The following ULBP1 variants were observed in gnomAD, a reference collection of about 807,000 sequenced individuals.
ULBP1 encodes the protein UL16 binding protein 1.
ULBP1 carries 28 observed loss-of-function variants against 25.3 expected under a neutral mutation model. That is an observed-to-expected ratio of 1.10 (90% CI 0.82 to 1.51). The LOEUF (loss-of-function observed/expected upper bound fraction) is 1.51, where lower values mean the gene tolerates loss of function less well. Ranked by LOEUF, ULBP1 falls within the 40% of genes most tolerant of loss-of-function variation. ULBP1 has a pLI of 0.00. For missense variants in ULBP1, 348 were observed against 290.9 expected (o/e 1.20, Z -1.43); for synonymous variants, 129 against 103.0 (o/e 1.25, Z -1.53).
At chr6:149,971,311 G>C in intron 4 of ULBP1, 58 bp from the exon 5 acceptor site, 1 of 984,108 alleles carries the variant, frequency 1.0e-6, no homozygotes, top group Non-Finnish European at 1.2e-6. Flanking sequence ...GGATCACCCA[G>C]GAGAACAGAC....
At chr6:149,965,102 ACCCGAACATCGCGGCCTC>A (rs1442752069) in intron 1 of ULBP1, among the ~76,000 whole-genome samples, 3 of 115,856 alleles carry the variant, frequency 2.6e-5, no homozygotes, top group East Asian at 5.1e-4. Context: ...ATCGCGGTCT[ACCCGAACATCGCGGCCTC>A]CCCGAACATC....
At chr6:149,969,754 G>A (rs1161259862) in intron 3 of ULBP1, among the ~76,000 whole-genome samples, 1 of 152,124 alleles carries the variant, frequency 6.6e-6, no homozygotes, top group Non-Finnish European at 1.5e-5. Context: ...CCCTGGCCCT[G>A]GGACATCACC....
chr6:149,969,260 C>A lies in ULBP1; in HGVS notation c.525C>A (p.Asn175Lys), dbSNP rs146669506. The A allele has an allele frequency of 1.9e-6, 3 of 1,614,092 alleles. No individual in the cohort carries two copies. The highest frequency in any genetic ancestry group is 2.7e-5 in the African/African-American group (2 of 74,930). Residue 175 changes from asparagine to lysine, a missense_variant, in exon 3 of 5, where the codon AAC becomes AAA. Coordinates refer to ENST00000229708, the MANE Select transcript of ULBP1 (RefSeq NM_025218.4). The stretch of plus-strand genomic sequence containing the variant: ...AGATGACAGAGAAGTGGGAGAAGAA[C>A]AGGGATGTGACCATGTTCTTCCAGA... Reference protein sequence around the residue: ...AKKMTEKWEKNRDVTMFFQKI... With the variant: ...AKKMTEKWEKKRDVTMFFQKI...
chr6:149,970,138 A>C lies in ULBP1; in HGVS notation c.*13A>C, dbSNP rs751764596. 1.0e-4 allele frequency: 165 copies of C among 1,593,456 alleles called. 2 individuals carry two copies. The South Asian group carries it at 1.3e-3, about 13-fold the overall frequency. On this transcript the variant is annotated 3_prime_UTR_variant, in exon 4 of 5. Coordinates refer to ENST00000229708, the MANE Select transcript of ULBP1 (RefSeq NM_025218.4). ...AGCTGGCAGATGAGGAGAGTTGTTTAGAGTGACAGGTACTGTGGGCAATAT... is the reference window on the plus strand; with the variant it reads ...AGCTGGCAGATGAGGAGAGTTGTTTCGAGTGACAGGTACTGTGGGCAATAT...
Position 149,969,294 on chromosome 6 carries a change from C to A in ULBP1, c.559C>A (p.Leu187Met), listed in dbSNP as rs1362491421. 1.9e-6 allele frequency: 3 copies of A among 1,614,222 alleles called. No homozygotes were observed. The highest frequency in any genetic ancestry group is 4.5e-5 in the East Asian group (2 of 44,890). Residue 187 changes from leucine (L) to methionine (M), a missense_variant, in exon 3 of 5, where the codon CTG (leucine) becomes ATG (methionine). Physicochemically the swap from Leu to Met is conservative, Grantham distance 15. Coordinates refer to ENST00000229708, the MANE Select transcript of ULBP1 (RefSeq NM_025218.4). Reference protein sequence around the residue: ...DVTMFFQKISLGDCKMWLEEF... With the variant: ...DVTMFFQKISMGDCKMWLEEF... ...GACCATGTTCTTCCAGAAGATTTCA[C>A]TGGGGGATTGTAAGATGTGGCTTGA... is the stretch of plus-strand genomic sequence containing the variant.
chr6:149,966,588 T>C (rs56068098), intron 1 of ULBP1, among the ~76,000 whole-genome samples: 20 of 151,336 alleles, frequency 1.3e-4, no homozygotes, highest in African/African-American at 3.9e-4. Flanking sequence ...GGCCAACTGC[T>C]TGTGCAGCTT....
chr6:149,968,930 T>A, intron 2 of ULBP1, 60 bp downstream of exon 2: 1 of 1,565,828 alleles, frequency 6.4e-7, no homozygotes, highest in Non-Finnish European at 8.6e-7. Flanking sequence ...TTTATTGATT[T>A]CATATGAAAA....
rs1779315742 is a variant in ULBP1 at position 149,971,418 on chromosome 6, C to G, written c.*72C>G. The stretch of plus-strand genomic sequence containing the variant: ...CTGTTAGCCTGGTCTGGGTCCTGCT[C>G]TCCCTTCAGGGAGGCCGCCTGTCTA... On this transcript the variant is annotated 3_prime_UTR_variant, in exon 5 of 5. Coordinates refer to ENST00000229708, the MANE Select transcript of ULBP1 (RefSeq NM_025218.4). The G allele has an allele frequency of 6.1e-6, 6 of 985,190 alleles. No homozygotes were observed. The highest frequency in any genetic ancestry group is 7.2e-6 in the Non-Finnish European group (6 of 829,806). 61.0% of individuals were successfully genotyped at this position (985,190 alleles called of 1,614,324 possible). A position where few individuals can be genotyped will look rare whatever the true frequency, so the allele number is the denominator to read the frequency against.
At position 149,968,662 on chromosome 6, in the gene ULBP1, A is replaced by G; in HGVS notation, c.141A>G (p.Pro47=). Residue 47 remains proline (P), a synonymous_variant, in exon 2 of 5, where the codon CCA becomes CCG. Transcript: ENST00000229708. ...FIITPKSRPE[P]QWCEVQGLVD... ...TCACTCCTAAGTCCAGACCTGAACC[A>G]CAGTGGTGTGAAGTTCAAGGCCTGG... is the stretch of plus-strand genomic sequence containing the variant. The G allele has an allele frequency of 6.2e-7, 1 of 1,614,036 alleles. No homozygotes were observed. The highest frequency in any genetic ancestry group is 8.5e-7 in the Non-Finnish European group (1 of 1,179,906).
intron 2 of ULBP1, 79 bp from the exon 3 acceptor site, chr6:149,969,006 A>T: frequency 6.4e-7 from 1 of 1,567,406 alleles, no homozygotes; most frequent in Admixed American, 1.8e-5. Context: ...AGAGAGAGCA[A>T]GTCCAGGAGC....
intron 3 of ULBP1, 103 bp downstream of exon 3, chr6:149,969,463 A>G: frequency 2.0e-6 from 3 of 1,503,468 alleles, no homozygotes; most frequent in Middle Eastern, 1.8e-4. Flanking sequence ...GAGTATGAAC[A>G]TGACCCCCTC....
At position 149,968,897 on chromosome 6, in the gene ULBP1, G is replaced by GTTTAAAATTAAAATTAAAATGTTAATT. The variant is rs1554269860; in HGVS notation, c.349+27_349+28insTTTAAAATTAAAATTAAAATGTTAATT. The GTTTAAAATTAAAATTAAAATGTTAATT allele has an allele frequency of 2.5e-6, 4 of 1,604,484 alleles. No individual in the cohort carries two copies. The Admixed American group carries it at 5.2e-5, about 21-fold the overall frequency. ...TAAGTTTAAAATGGCCCAGGGAGCAGACACAGTAGTAACTTAGAGTCATTT... is the reference window on the plus strand; with the variant it reads ...TAAGTTTAAAATGGCCCAGGGAGCAGTTTAAAATTAAAATTAAAATGTTAATTACACAGTAGTAACTTAGAGTCATTT... On this transcript the variant is annotated intron_variant, in intron 2 of 4. Coordinates refer to ENST00000229708, the MANE Select transcript of ULBP1 (RefSeq NM_025218.4).
At chr6:149,968,343 G>A (rs745667433) in intron 1 of ULBP1, among the ~76,000 whole-genome samples, 1 of 152,194 alleles carries the variant, frequency 6.6e-6, no homozygotes, top group African/African-American at 2.4e-5. Context: ...GTCATGTGCT[G>A]ACTGATGTCG....
At chr6:149,965,488 G>A (rs1043626350) in intron 1 of ULBP1, among the ~76,000 whole-genome samples, 6 of 152,224 alleles carry the variant, frequency 3.9e-5, no homozygotes, top group Non-Finnish European at 8.8e-5. Context: ...GCAAGGTAGG[G>A]CGGGGATCCC....
In ULBP1 at chr6:149,969,106, G is replaced by A. The variant is rs1779258945; in HGVS notation, c.371G>A (p.Arg124Lys). 1 of 1,614,138 alleles carries A rather than the reference G, an allele frequency of 6.2e-7. No individual in the cohort carries two copies. The highest frequency in any genetic ancestry group is 1.7e-5 in the Admixed American group (1 of 60,010). Residue 124 changes from arginine (R) to lysine (K), a missense_variant, in exon 3 of 5, where the codon AGG becomes AAG. Transcript: ENST00000229708. ...IPIEPLTLQA[R>K]MSCEHEAHGH... The stretch of plus-strand genomic sequence containing the variant: ...GCAGAGCCCCTCACCCTGCAGGCCA[G>A]GATGTCTTGTGAGCATGAAGCCCAT...
chr6:149,970,557 G>A (rs1240590964), intron 4 of ULBP1, among the ~76,000 whole-genome samples: 2 of 152,354 alleles, frequency 1.3e-5, no homozygotes, highest in African/African-American at 2.4e-5. Flanking sequence ...GTCCCTGGAG[G>A]AGGCTAAGAA....
intron 3 of ULBP1, among the ~76,000 whole-genome samples, 161 bp downstream of exon 3, chr6:149,969,521 C>G (rs1779271593): frequency 6.6e-6 from 1 of 152,116 alleles, no homozygotes; most frequent in African/African-American, 2.4e-5. Flanking sequence ...CTCTCTCATC[C>G]TCCTCTCCCT....
At chr6:149,964,869 C>A (rs531361166) in intron 1 of ULBP1, among the ~76,000 whole-genome samples, 10 of 142,124 alleles carry the variant, frequency 7.0e-5, no homozygotes, top group Admixed American at 3.5e-4. Flanking sequence ...ACATCGCGGT[C>A]CCCCCGAACA....
chr6:149,970,611 T>C (rs1427137878), intron 4 of ULBP1, among the ~76,000 whole-genome samples: 1 of 152,138 alleles, frequency 6.6e-6, no homozygotes, highest in Non-Finnish European at 1.5e-5. Context: ...GCTGTGAGGG[T>C]CTTGGCCCAC....
Sources: gnomAD v4.1 joint callset for allele counts (sites outside exome capture counted in the v4.1 genomes callset) on GRCh38, gnomAD v4.1.1 for gene constraint, MANE v1.5 for transcripts, NCBI Gene and HGNC (gene_info 2026-07-23, HGNC 2026-07-21) for gene names.